The following RSU1 variants were observed in gnomAD, a reference collection of about 807,000 sequenced individuals.
RSU1 encodes Ras suppressor protein 1.
In RSU1, 26 loss-of-function variants were observed where a neutral mutation model predicts 31.1. That is an observed-to-expected ratio of 0.84 (90% CI 0.61 to 1.16). The LOEUF is 1.16. RSU1 is among the 50% of genes most tolerant of loss of function. The pLI is 0.00. For synonymous variants in RSU1, 164 were observed against 136.3 expected, an observed-to-expected ratio of 1.20 and a Z score of -1.41; for missense variants, 320 against 339.1, an observed-to-expected ratio of 0.94 and a Z score of 0.44.
chr10:16,737,611 T>C lies in RSU1; in HGVS notation c.598+14928A>G, dbSNP rs559079838. 1.6e-4 allele frequency among the ~76,000 whole-genome samples: 24 copies of C among 152,082 alleles called. 1 individual carries two copies. In the South Asian group the frequency reaches 5.0e-3, roughly 32 times the overall value. On this transcript the variant is annotated intron_variant, in intron 7 of 8. Coordinates refer to ENST00000345264, the MANE Select transcript of RSU1 (RefSeq NM_012425.4). ...ACAATAAATACAAAAGAAAAAATTC[T>C]TCAGGATAAAGGCAAATGATACCAG...
chr10:16,593,242 A>AAAGGT lies in RSU1; in HGVS notation c.*147_*151dup. On this transcript the variant is annotated 3_prime_UTR_variant, in exon 9 of 9. Transcript: ENST00000345264. ...ATCTCCCACCTAGCAAAAGAATCTAAAAGGTAAGGTGGGAAGCATTAGAAA... is the reference window on the plus strand; with the variant it reads ...ATCTCCCACCTAGCAAAAGAATCTAAAAGGTAAGGTAAGGTGGGAAGCATTAGAAA... 1 of 1,377,530 alleles carries AAAGGT rather than the reference A, an allele frequency of 7.3e-7. No homozygotes were observed. The highest frequency in any genetic ancestry group is 9.6e-7 in the Non-Finnish European group (1 of 1,042,480). The allele number at this position is 1,377,530 out of a possible 1,614,324, so 85.3% of individuals were successfully genotyped here.
chr10:16,658,495 A>G (rs1052160235), intron 8 of RSU1, among the ~76,000 whole-genome samples: 1 of 152,170 alleles, frequency 6.6e-6, no homozygotes, highest in African/African-American at 2.4e-5. Flanking sequence ...AGGCTGATGC[A>G]GGCAGATCAC....
intron 8 of RSU1, among the ~76,000 whole-genome samples, chr10:16,678,325 T>G (rs2131545816): frequency 6.6e-6 from 1 of 152,386 alleles, no homozygotes; most frequent in African/African-American, 2.4e-5. Context: ...TAATGTTATC[T>G]GACAGGTGTT....
intron 7 of RSU1, among the ~76,000 whole-genome samples, chr10:16,711,708 T>C (rs1438328241): frequency 6.6e-6 from 1 of 152,172 alleles, no homozygotes; most frequent in Non-Finnish European, 1.5e-5. Context: ...AAGTTGCTCA[T>C]GTTGTTGTTT....
chr10:16,693,706 A>T (rs867542829), intron 8 of RSU1, among the ~76,000 whole-genome samples: 1 of 151,692 alleles, frequency 6.6e-6, no homozygotes, highest in Admixed American at 6.6e-5. Flanking sequence ...GCAAAAAATT[A>T]AAAAAATTAG....
At chr10:16,751,575 T>C (rs1478605546) in intron 7 of RSU1, among the ~76,000 whole-genome samples, 1 of 152,206 alleles carries the variant, frequency 6.6e-6, no homozygotes, top group Non-Finnish European at 1.5e-5. Context: ...CTTCATTAAT[T>C]CATTCAGTCA....
intron 2 of RSU1, among the ~76,000 whole-genome samples, chr10:16,809,380 C>T (rs1262447765): frequency 2.6e-5 from 4 of 152,174 alleles, no homozygotes; most frequent in African/African-American, 9.7e-5. Flanking sequence ...CATTAAGACT[C>T]CATCTCTCTA....
At chr10:16,607,717 T>C (rs577483195) in intron 8 of RSU1, among the ~76,000 whole-genome samples, 1 of 152,294 alleles carries the variant, frequency 6.6e-6, no homozygotes, top group South Asian at 2.1e-4. Context: ...GAACTTAACA[T>C]GCTTTGCCCA....
intron 7 of RSU1, among the ~76,000 whole-genome samples, chr10:16,743,565 T>C (rs79630322): frequency 0.049 from 7,485 of 152,270 alleles, 579 homozygotes; most frequent in African/African-American, 0.16. Flanking sequence ...AAGTCAATCT[T>C]ATTCATGCGA....
chr10:16,709,147 T>G (rs1245838679), intron 7 of RSU1, among the ~76,000 whole-genome samples: 1 of 151,808 alleles, frequency 6.6e-6, no homozygotes, highest in Non-Finnish European at 1.5e-5. Flanking sequence ...CCTCCCCCCT[T>G]CCCCCACCCC....
chr10:16,715,766 G>T (rs896538774), intron 7 of RSU1, among the ~76,000 whole-genome samples: 2 of 152,184 alleles, frequency 1.3e-5, no homozygotes, highest in African/African-American at 4.8e-5. Flanking sequence ...CTTTCTCAAG[G>T]TTGTTTTGAC....
intron 7 of RSU1, among the ~76,000 whole-genome samples, chr10:16,700,595 T>G (rs1195262589): frequency 6.6e-6 from 1 of 152,264 alleles, no homozygotes; most frequent in Non-Finnish European, 1.5e-5. Context: ...CATTATCATG[T>G]GCTAGGCTAC....
chr10:16,729,549 C>T (rs1480911621), intron 7 of RSU1, among the ~76,000 whole-genome samples: 2 of 152,148 alleles, frequency 1.3e-5, no homozygotes, highest in East Asian at 1.9e-4. Context: ...AAGGTGATCA[C>T]TGATCTGCCC....
chr10:16,664,158 A>G (rs1834942445), intron 8 of RSU1, among the ~76,000 whole-genome samples: 1 of 152,180 alleles, frequency 6.6e-6, no homozygotes, highest in Non-Finnish European at 1.5e-5. Flanking sequence ...ACATGACTCT[A>G]TTTTATAAGG....
intron 7 of RSU1, among the ~76,000 whole-genome samples, chr10:16,699,685 T>C (rs1207015989): frequency 6.6e-6 from 1 of 152,204 alleles, no homozygotes; most frequent in African/African-American, 2.4e-5. Context: ...AAAGAGGATC[T>C]AATAAGCTAG....
intron 8 of RSU1, among the ~76,000 whole-genome samples, chr10:16,640,463 G>A (rs1834421662): frequency 6.6e-6 from 1 of 152,158 alleles, no homozygotes; most frequent in African/African-American, 2.4e-5. Flanking sequence ...TTTTCAAAAA[G>A]TCAATCTGAT....
At chr10:16,798,794 G>T (rs1014519466) in intron 2 of RSU1, among the ~76,000 whole-genome samples, 4 of 152,130 alleles carry the variant, frequency 2.6e-5, no homozygotes, top group Non-Finnish European at 5.9e-5. Context: ...AAAATTACAG[G>T]AAATAAAATT....
intron 8 of RSU1, among the ~76,000 whole-genome samples, chr10:16,673,319 G>GAC (rs1326208838): frequency 2.6e-5 from 4 of 152,188 alleles, no homozygotes; most frequent in Non-Finnish European, 5.9e-5. Context: ...TCAAAAGCAG[G>GAC]ACATTTGCTC....
intron 8 of RSU1, among the ~76,000 whole-genome samples, chr10:16,674,180 T>G (rs765386876): frequency 7.9e-5 from 12 of 152,240 alleles, no homozygotes; most frequent in Admixed American, 3.9e-4. Context: ...CCCCCGATAT[T>G]GCCCTTTAAA....
Sources: allele counts gnomAD v4.1 joint callset (sites outside exome capture counted in the v4.1 genomes callset), GRCh38; gene constraint gnomAD v4.1.1; transcripts MANE v1.5; gene names NCBI Gene and HGNC (gene_info 2026-07-23, HGNC 2026-07-21).